MROH1: variants seen among roughly 807,000 people sequenced by gnomAD.
The protein encoded by MROH1 is maestro heat-like repeat-containing protein family member 1.
MROH1 carries 117 observed loss-of-function variants against 116.5 expected under a neutral mutation model. The ratio of observed to expected loss-of-function variants is 1.00; its 90% CI spans 0.86 to 1.17. MROH1 has a LOEUF of 1.17. MROH1 is among the 50% of genes most tolerant of loss of function. The pLI is 0.00. For missense variants in MROH1, 1,873 were observed against 1,338.5 expected (o/e 1.40, Z -6.23); for synonymous variants, 921 against 583.9 (o/e 1.58, Z -8.32).
chr8:144,256,655 CCCCCAGGTG>C (rs1320512603), intron 35 of MROH1, among the ~76,000 whole-genome samples: 1 of 152,210 alleles, frequency 6.6e-6, no homozygotes, highest in African/African-American at 2.4e-5. Flanking sequence ...CCCACGCCCA[CCCCCAGGTG>C]CCCCTTCACT....
At chr8:144,261,252 C>T (rs1180502047) in intron 42 of MROH1, 32 bp from the exon 43 acceptor site, 6 of 755,906 alleles carry the variant, frequency 7.9e-6, no homozygotes, top group African/African-American at 6.8e-5. Context: ...CCACGCCGCC[C>T]GGCAGCCCCG....
intron 14 of MROH1, among the ~76,000 whole-genome samples, chr8:144,229,415 ACT>A (rs1382724302): frequency 7.5e-6 from 1 of 133,602 alleles, no homozygotes; most frequent in Non-Finnish European, 1.6e-5. Flanking sequence ...ATAGGGTCTC[ACT>A]CTGTGACCCA....
At chr8:144,250,400 T>TCTGGAATGATGCTCCCC (rs1168576244) in intron 33 of MROH1, 34 bp downstream of exon 33, 17 of 738,056 alleles carry the variant, frequency 2.3e-5, no homozygotes, top group East Asian at 5.1e-5. Flanking sequence ...TAGGGGTCCC[T>TCTGGAATGATGCTCCCC]CTGGAATGAT....
chr8:144,242,086 T>C, intron 22 of MROH1: 1 of 549,334 alleles, frequency 1.8e-6, no homozygotes, highest in Non-Finnish European at 3.3e-6. Context: ...GTGGCTGTGC[T>C]GCCTTGACCC....
intron 14 of MROH1, among the ~76,000 whole-genome samples, chr8:144,233,442 C>T (rs1839354316): frequency 1.4e-5 from 2 of 146,056 alleles, no homozygotes; most frequent in African/African-American, 2.6e-5. Context: ...TTCTCTCCCC[C>T]GCAGCTCCTG....
chr8:144,194,891 G>A (rs964576292), intron 10 of MROH1, among the ~76,000 whole-genome samples: 2 of 151,798 alleles, frequency 1.3e-5, no homozygotes, highest in Admixed American at 6.6e-5. Context: ...CTGGGTGACA[G>A]AGCAAGACCT....
intron 10 of MROH1, among the ~76,000 whole-genome samples, chr8:144,197,789 G>T (rs1460299178): frequency 6.9e-6 from 1 of 145,912 alleles, no homozygotes; most frequent in Non-Finnish European, 1.5e-5. Flanking sequence ...ATAACAAGGA[G>T]CACACCGGGG....
rs1415827545 is a variant in MROH1, at chr8:144,191,838, A to G, written c.838A>G (p.Thr280Ala). 10 of 1,613,258 alleles carry G rather than the reference A, an allele frequency of 6.2e-6. No homozygotes were observed. Among genetic ancestry groups the G allele is most frequent in the African/African-American group, 1.3e-5 (1 of 74,826 alleles). ...ILALYKKHAETFYLSKSLGQI... is the reference protein window; with the variant it reads ...ILALYKKHAEAFYLSKSLGQI... ...CGCCCTCTACAAGAAGCACGCAGAG[A>G]CCTTCTACTTGTCCAAGGTATCTGC... Residue 280 changes from threonine to alanine, a missense_variant, in exon 9 of 44, where the codon ACC (threonine) becomes GCC (alanine). Coordinates refer to ENST00000326134, the MANE Select transcript of MROH1 (RefSeq NM_032450.3).
rs544506699 is a variant in MROH1 at position 144,217,444 on chromosome 8, G to T, written c.1142-3156G>T. Among the ~76,000 whole-genome samples the T allele has an allele frequency of 4.6e-5, 7 of 152,302 alleles. No homozygotes were observed. In the East Asian group the frequency reaches 5.8e-4, roughly 13 times the overall value. On this transcript the variant is annotated intron_variant, in intron 12 of 43. Coordinates refer to ENST00000326134, the MANE Select transcript of MROH1 (RefSeq NM_032450.3). ...TATGCAAATATTCCAAGCTCTGAAA[G>T]ACCCCAAAATCTGAAACACATCGGG...
At chr8:144,248,259 G>C (rs1842238612) in intron 31 of MROH1, among the ~76,000 whole-genome samples, 2 of 152,180 alleles carry the variant, frequency 1.3e-5, no homozygotes, top group Non-Finnish European at 2.9e-5. Flanking sequence ...CTGAGGCTCA[G>C]CTCACAACAC....
chr8:144,153,121 G>A lies in MROH1; in HGVS notation c.-177+5045G>A, dbSNP rs1206726154. Among the ~76,000 whole-genome samples the A allele has an allele frequency of 3.9e-5, 6 of 152,028 alleles. No individual in the cohort carries two copies. The South Asian group carries it at 8.3e-4, about 21-fold the overall frequency. ...ATTCCACGTGTGAGATCACGTGGTCGTCTTTCTGTTCCTGGCTTATTTTAC... is the reference window on the plus strand; with the variant it reads ...ATTCCACGTGTGAGATCACGTGGTCATCTTTCTGTTCCTGGCTTATTTTAC... On this transcript the variant is annotated intron_variant, in intron 1 of 43. Transcript: ENST00000326134.
intron 4 of MROH1, 64 bp from the exon 5 acceptor site, chr8:144,179,391 A>G (rs916228424): frequency 5.0e-6 from 8 of 1,589,560 alleles, no homozygotes; most frequent in South Asian, 1.1e-5. Flanking sequence ...AGACAGTGAC[A>G]GGCACTCAGA....
intron 14 of MROH1, among the ~76,000 whole-genome samples, chr8:144,224,001 C>T (rs890729220): frequency 1.3e-5 from 2 of 152,198 alleles, no homozygotes; most frequent in Admixed American, 6.6e-5. Context: ...GTGAGGAAGC[C>T]GCACACATGC....
At chr8:144,259,109 C>T in intron 36 of MROH1, 131 bp from the exon 37 acceptor site, 1 of 685,454 alleles carries the variant, frequency 1.5e-6, no homozygotes, top group South Asian at 1.5e-5. Context: ...TGGGAGGCAT[C>T]TCTGAAACAT....
chr8:144,152,382 A>G (rs368126881), intron 1 of MROH1, among the ~76,000 whole-genome samples: 6 of 110,952 alleles, frequency 5.4e-5, no homozygotes, highest in African/African-American at 1.7e-4. Flanking sequence ...TTGTTTTTTT[A>G]TTTAAAAAAA....
chr8:144,213,144 G>A (rs767549281), intron 12 of MROH1: 44 of 759,140 alleles, frequency 5.8e-5, no homozygotes, highest in African/African-American at 3.9e-4. Context: ...GTTACATCCC[G>A]TGCTCTCCCT....
rs1844975458 is a variant in MROH1 at position 144,261,175 on chromosome 8, G to A, written c.4733G>A (p.Ser1578Asn). 2 of 769,690 alleles carry A rather than the reference G, an allele frequency of 2.6e-6. No homozygotes were observed. The highest frequency in any genetic ancestry group is 4.8e-6 in the Non-Finnish European group (2 of 417,668). The allele number at this position is 769,690 out of a possible 1,614,324, so 47.7% of individuals were successfully genotyped here. ...ACCACCTGCCTGTTCTACTTCAAGA[G>A]CAGCTGGGAGAACGTCCGAGCTGCT... is the stretch of plus-strand genomic sequence containing the variant. ...LLTTCLFYFK[S>N]SWENVRAAAP... The change falls in exon 42 of 44, where the codon AGC becomes AAC. Residue 1578 changes from serine to asparagine, a missense_variant. By Grantham distance (46) the Ser-to-Asn change is conservative. Transcript: ENST00000326134.
At chr8:144,235,077 G>A (rs1554824208) in intron 14 of MROH1, among the ~76,000 whole-genome samples, 1 of 151,598 alleles carries the variant, frequency 6.6e-6, no homozygotes, top group Non-Finnish European at 1.5e-5. Context: ...TTGTATTTTA[G>A]TAGAGACAGG....
At position 144,261,159 on chromosome 8, in the gene MROH1, C is replaced by G; in HGVS notation, c.4717C>G (p.Leu1573Val). The change falls in exon 42 of 44, where the codon CTG becomes GTG. Residue 1573 changes from leucine to valine, a missense_variant. By Grantham distance (32) the Leu-to-Val change is conservative. Coordinates refer to ENST00000326134, the MANE Select transcript of MROH1 (RefSeq NM_032450.3). ...DLLGRLLTTC[L>V]FYFKSSWENV... Reference sequence around the variant, plus strand: ...GCTGGGCCGTCTCCTGACCACCTGCCTGTTCTACTTCAAGAGCAGCTGGGA... The same window carrying G: ...GCTGGGCCGTCTCCTGACCACCTGCGTGTTCTACTTCAAGAGCAGCTGGGA... The G allele has an allele frequency of 1.3e-6, 1 of 772,024 alleles. No individual in the cohort carries two copies. Among genetic ancestry groups the G allele is most frequent in the East Asian group, 2.4e-5 (1 of 41,242 alleles). 47.8% of individuals were successfully genotyped at this position (772,024 alleles called of 1,614,324 possible).
Sources: allele counts gnomAD v4.1 joint callset (sites outside exome capture counted in the v4.1 genomes callset), GRCh38; gene constraint gnomAD v4.1.1; transcripts MANE v1.5; gene names NCBI Gene and HGNC (gene_info 2026-07-23, HGNC 2026-07-21).